Variants in RALGAPA2 observed in about 807,000 individuals in gnomAD.
RALGAPA2 encodes Ral GTPase activating protein catalytic subunit alpha 2, also known as ral GTPase-activating protein subunit alpha-2.
RALGAPA2 carries 139 observed loss-of-function variants against 230.4 expected under a neutral mutation model. The ratio of observed to expected loss-of-function variants is 0.60; its 90% CI spans 0.53 to 0.69. RALGAPA2 has a LOEUF of 0.69. Among genes scored for constraint, RALGAPA2 ranks in the 30% least tolerant of loss-of-function variants. The pLI, the probability that RALGAPA2 is intolerant of heterozygous loss-of-function variation, is 0.00. For synonymous variants in RALGAPA2, 847 were observed against 837.8 expected (o/e 1.01, Z -0.19); for missense variants, 2,163 against 2,276.0 (o/e 0.95, Z 1.01).
intron 24 of RALGAPA2, among the ~76,000 whole-genome samples, chr20:20,539,943 AT>A (rs1290568768): frequency 6.6e-6 from 1 of 152,256 alleles, no homozygotes; most frequent in Non-Finnish European, 1.5e-5. Context: ...AATTTCCTTC[AT>A]TTTTTAAAGG....
intron 27 of RALGAPA2, among the ~76,000 whole-genome samples, chr20:20,531,155 A>C (rs2063356622): frequency 6.6e-6 from 1 of 152,226 alleles, no homozygotes; most frequent in African/African-American, 2.4e-5. Context: ...TGCAACATCT[A>C]TCTTGCAGAG....
At chr20:20,399,099 C>A (rs1394665762) in intron 38 of RALGAPA2, among the ~76,000 whole-genome samples, 1 of 152,194 alleles carries the variant, frequency 6.6e-6, no homozygotes, top group Non-Finnish European at 1.5e-5. Context: ...AATCCCAGCA[C>A]TTTGGGAGGC....
intron 37 of RALGAPA2, among the ~76,000 whole-genome samples, chr20:20,426,212 TA>T (rs1036594838): frequency 1.3e-5 from 2 of 152,044 alleles, no homozygotes; most frequent in Non-Finnish European, 2.9e-5. Flanking sequence ...ACTGTTAGGT[TA>T]AAAAAAATAA....
intron 10 of RALGAPA2, 70 bp downstream of exon 10, chr20:20,629,293 A>C: frequency 1.5e-6 from 2 of 1,334,302 alleles, no homozygotes; most frequent in Non-Finnish European, 2.1e-6. Context: ...AACATGAAAC[A>C]AAATCATTTC....
chr20:20,571,817 G>A (rs376571514), intron 22 of RALGAPA2, 31 bp downstream of exon 22: 17 of 1,551,298 alleles, frequency 1.1e-5, no homozygotes, highest in Admixed American at 3.5e-5. Context: ...AGAGGAAATC[G>A]CAATAAAGGA....
intron 39 of RALGAPA2, among the ~76,000 whole-genome samples, chr20:20,393,678 T>C (rs1406104305): frequency 6.6e-6 from 1 of 152,218 alleles, no homozygotes; most frequent in East Asian, 1.9e-4. Context: ...CGTGTTTACA[T>C]ATCGATATTC....
chr20:20,661,418 C>A (rs1049630856), intron 3 of RALGAPA2, among the ~76,000 whole-genome samples: 27 of 152,142 alleles, frequency 1.8e-4, no homozygotes, highest in African/African-American at 6.5e-4. Context: ...CCTCGGCCTC[C>A]CAAAGTGCTG....
At chr20:20,473,196 GTTC>G (rs1442191783) in intron 36 of RALGAPA2, among the ~76,000 whole-genome samples, 1 of 152,112 alleles carries the variant, frequency 6.6e-6, no homozygotes, top group Non-Finnish European at 1.5e-5. Flanking sequence ...ATTTTACCAG[GTTC>G]TTCGTTTTTT....
Position 20,398,560 on chromosome 20 carries a change from G to A in RALGAPA2, c.5618-1826C>T, listed in dbSNP as rs972142843. 6.6e-6 allele frequency among the ~76,000 whole-genome samples: 1 copy of A among 152,190 alleles called. No individual in the cohort carries two copies. Among genetic ancestry groups the A allele is most frequent in the African/African-American group, 2.4e-5 (1 of 41,444 alleles). On this transcript the variant is annotated intron_variant, in intron 38 of 39. Coordinates refer to ENST00000202677, the MANE Select transcript of RALGAPA2 (RefSeq NM_020343.4). This position sits in a 1 kb window ranked among gnomAD's most constrained non-coding sequence, Gnocchi z 4.5. ...GCTCCCAAAGGGTGGGGTTCCAGTC[G>A]TGGAGCAGAGGAGTAAGCTGTCAGC...
chr20:20,642,675 C>G (rs1245738844), intron 5 of RALGAPA2, among the ~76,000 whole-genome samples: 1 of 152,134 alleles, frequency 6.6e-6, no homozygotes, highest in South Asian at 2.1e-4. Flanking sequence ...TAGGTTTTAA[C>G]TACAAGCCTA....
At chr20:20,442,660 G>A (rs975465761) in intron 37 of RALGAPA2, among the ~76,000 whole-genome samples, 40 of 152,278 alleles carry the variant, frequency 2.6e-4, no homozygotes, top group Middle Eastern at 3.4e-3. Context: ...TACAATGTAC[G>A]GTTCCAGTAA....
At chr20:20,524,673 T>TA in intron 29 of RALGAPA2, 130 bp from the exon 30 acceptor site, 1 of 1,310,530 alleles carries the variant, frequency 7.6e-7, no homozygotes, top group South Asian at 1.5e-5. Context: ...GGTAAGTAAA[T>TA]AAATAAATAA....
At chr20:20,527,602 C>A (rs2081016631) in intron 27 of RALGAPA2, among the ~76,000 whole-genome samples, 1 of 152,046 alleles carries the variant, frequency 6.6e-6, no homozygotes, top group Non-Finnish European at 1.5e-5. Context: ...CGCCCTCCCC[C>A]CACACCCCCA....
At position 20,437,539 on chromosome 20, in the gene RALGAPA2, G is replaced by A. The variant is rs1307088317; in HGVS notation, c.5496-25391C>T. ...GGCTGGCAAGGCCCTGCCCCACTGG[G>A]TGCCTGCCCCTGCTGTCACCTCTGT... On this transcript the variant is annotated intron_variant, in intron 37 of 39. Coordinates refer to ENST00000202677, the MANE Select transcript of RALGAPA2 (RefSeq NM_020343.4). This position sits in a 1 kb window ranked among gnomAD's most constrained non-coding sequence, Gnocchi z 4.1. 6.6e-6 allele frequency among the ~76,000 whole-genome samples: 1 copy of A among 152,170 alleles called. No individual in the cohort carries two copies. Among genetic ancestry groups the A allele is most frequent in the Non-Finnish European group, 1.5e-5 (1 of 68,030 alleles).
At chr20:20,416,395 G>C (rs1305332145) in intron 37 of RALGAPA2, among the ~76,000 whole-genome samples, 1 of 152,194 alleles carries the variant, frequency 6.6e-6, no homozygotes, top group East Asian at 1.9e-4. Context: ...TGAGAGCTCA[G>C]AGAGTTCAAG....
chr20:20,610,268 C>G (rs893230541), intron 14 of RALGAPA2, among the ~76,000 whole-genome samples: 3 of 152,140 alleles, frequency 2.0e-5, no homozygotes, highest in African/African-American at 7.2e-5. Flanking sequence ...TTTTCCAGAG[C>G]CCTTTCACAC....
At chr20:20,608,529 A>G (rs1443208488) in intron 14 of RALGAPA2, among the ~76,000 whole-genome samples, 1 of 152,214 alleles carries the variant, frequency 6.6e-6, no homozygotes, top group East Asian at 1.9e-4. Flanking sequence ...AAAAAGATAA[A>G]AAGGGTAATA....
intron 37 of RALGAPA2, among the ~76,000 whole-genome samples, chr20:20,443,741 T>G (rs1478145513): frequency 6.6e-6 from 1 of 152,248 alleles, no homozygotes; most frequent in Non-Finnish European, 1.5e-5. Flanking sequence ...TCCGCATGGC[T>G]AAATGATGAA....
chr20:20,661,649 C>T (rs1568721235), intron 3 of RALGAPA2, among the ~76,000 whole-genome samples: 5 of 152,124 alleles, frequency 3.3e-5, no homozygotes, highest in Admixed American at 2.0e-4. Context: ...GTGCAATGGG[C>T]ATCAGAATAC....
Sources: allele counts gnomAD v4.1 joint callset (sites outside exome capture counted in the v4.1 genomes callset), GRCh38; gene constraint gnomAD v4.1.1; non-coding constraint Gnocchi (gnomAD v3.1); transcripts MANE v1.5; gene names NCBI Gene and HGNC (gene_info 2026-07-23, HGNC 2026-07-21).